The following CPE variants were observed in gnomAD, a reference collection of about 807,000 sequenced individuals.
The protein encoded by CPE is carboxypeptidase E.
CPE carries 17 observed loss-of-function variants against 53.5 expected under a neutral mutation model. The ratio of observed to expected loss-of-function variants is 0.32; its 90% CI spans 0.22 to 0.48. The LOEUF (loss-of-function observed/expected upper bound fraction) is 0.48. CPE is among the 20% of genes least tolerant of loss of function. CPE has a pLI of 0.99. For missense variants in CPE, 524 were observed against 614.7 expected (o/e 0.85, Z 1.56); for synonymous variants, 226 against 228.8 (o/e 0.99, Z 0.11).
At chr4:165,491,094 C>T (rs991254340) in intron 6 of CPE, among the ~76,000 whole-genome samples, 6 of 152,198 alleles carry the variant, frequency 3.9e-5, no homozygotes, top group Admixed American at 2.6e-4. Flanking sequence ...GAAAAGTTGA[C>T]ATATCACAGA....
At chr4:165,405,488 G>A in intron 1 of CPE, 1 of 871,148 alleles carries the variant, frequency 1.1e-6, no homozygotes, top group Non-Finnish European at 2.0e-6. Context: ...AAGCCCTTTA[G>A]TCCGCTTTCA....
chr4:165,395,035 GT>G (rs911225865), intron 1 of CPE, among the ~76,000 whole-genome samples: 1 of 152,088 alleles, frequency 6.6e-6, no homozygotes, highest in Non-Finnish European at 1.5e-5. Flanking sequence ...TGTGAATGAT[GT>G]TTTTTTGTTT....
At chr4:165,431,610 C>T (rs948046472) in intron 1 of CPE, among the ~76,000 whole-genome samples, 2 of 152,134 alleles carry the variant, frequency 1.3e-5, no homozygotes, top group African/African-American at 4.8e-5. Flanking sequence ...CTTGCTGCTT[C>T]CTGATGAGTT....
At chr4:165,421,560 C>T (rs1731220669) in intron 1 of CPE, among the ~76,000 whole-genome samples, 1 of 152,220 alleles carries the variant, frequency 6.6e-6, no homozygotes, top group Non-Finnish European at 1.5e-5. Context: ...AGCCCTGCAT[C>T]CTTCTTGTTC....
At chr4:165,394,146 C>T (rs1730728689) in intron 1 of CPE, among the ~76,000 whole-genome samples, 1 of 152,014 alleles carries the variant, frequency 6.6e-6, no homozygotes, top group African/African-American at 2.4e-5. Flanking sequence ...TGGATGGGGA[C>T]ATCAGCAGAT....
At chr4:165,488,693 T>C (rs1264641082) in intron 6 of CPE, among the ~76,000 whole-genome samples, 9 of 152,230 alleles carry the variant, frequency 5.9e-5, no homozygotes, top group Non-Finnish European at 1.3e-4. Flanking sequence ...TAAGTATTTA[T>C]ATGTGTATAT....
At chr4:165,400,937 C>CCT (rs1470446785) in intron 1 of CPE, among the ~76,000 whole-genome samples, 1 of 152,058 alleles carries the variant, frequency 6.6e-6, no homozygotes. Flanking sequence ...TTAATAGAGC[C>CCT]CTCTTTCACC....
In CPE at chr4:165,464,522, A is replaced by T. The variant is rs760506384; in HGVS notation, c.440A>T (p.His147Leu). The change falls in exon 2 of 9, where the codon CAC becomes CTC. Residue 147 changes from histidine (H) to leucine (L), a missense_variant. Transcript: ENST00000402744. ...KGNETIVNLIHSTRIHIMPSL... is the reference protein window; with the variant it reads ...KGNETIVNLILSTRIHIMPSL... The stretch of plus-strand genomic sequence containing the variant: ...AACGAGACAATTGTCAACCTGATCC[A>T]CAGTACCCGCATTCACATCATGCCT... 1 of 1,613,930 alleles carries T rather than the reference A, an allele frequency of 6.2e-7. No individual in the cohort carries two copies.
intron 1 of CPE, among the ~76,000 whole-genome samples, chr4:165,384,908 C>A (rs992975926): frequency 5.3e-5 from 8 of 152,090 alleles, no homozygotes; most frequent in Non-Finnish European, 1.0e-4. Flanking sequence ...AGAATCAGAG[C>A]ATGATTCTGA....
At chr4:165,477,353 T>A (rs1189686120) in intron 3 of CPE, among the ~76,000 whole-genome samples, 1 of 152,164 alleles carries the variant, frequency 6.6e-6, no homozygotes, top group Non-Finnish European at 1.5e-5. Context: ...TAAAGAAAAA[T>A]ACATGAAAAT....
intron 1 of CPE, among the ~76,000 whole-genome samples, chr4:165,423,625 CATTTTATTTT>C (rs71602589): frequency 2.5e-4 from 37 of 150,940 alleles, no homozygotes; most frequent in African/African-American, 8.0e-4. Context: ...TATGTTGATT[CATTTTATTTT>C]ATTTTATTTT....
Position 165,379,293 on chromosome 4 carries a change from C to CTTCG in CPE, c.72_73insTTCG (p.Ala25PhefsTer78). The CTTCG allele has an allele frequency of 6.6e-7, 1 of 1,511,912 alleles. No individual in the cohort carries two copies. Among genetic ancestry groups the CTTCG allele is most frequent in the Non-Finnish European group, 8.8e-7 (1 of 1,137,772 alleles). The allele number at this position is 1,511,912 out of a possible 1,614,324, so 93.7% of individuals were successfully genotyped here. ...TGGCTGCCTGCGGGTGGCTCCTGGG[C>CTTCG]GCCGAAGCCCAGGAGCCCGGGGCGC... is the stretch of plus-strand genomic sequence containing the variant. On this transcript the variant is annotated frameshift_variant, in exon 1 of 9. Transcript: ENST00000402744. LOFTEE classifies it high-confidence loss of function. The surrounding 1 kb of genome is among the most constrained non-coding windows in gnomAD (Gnocchi z 6.0).
At chr4:165,493,104 A>T (rs2126717723) in intron 6 of CPE, 67 bp from the exon 7 acceptor site, 4 of 980,978 alleles carry the variant, frequency 4.1e-6, no homozygotes, top group Non-Finnish European at 6.4e-6. Context: ...GATATGAAAC[A>T]TATTTAAGGC....
At chr4:165,398,854 C>T (rs1260345651) in intron 1 of CPE, among the ~76,000 whole-genome samples, 1 of 152,102 alleles carries the variant, frequency 6.6e-6, no homozygotes, top group Non-Finnish European at 1.5e-5. Flanking sequence ...TTTAAAGGTA[C>T]AGTTCTGTTA....
At chr4:165,460,517 C>G (rs916575378) in intron 1 of CPE, among the ~76,000 whole-genome samples, 4 of 152,128 alleles carry the variant, frequency 2.6e-5, no homozygotes, top group African/African-American at 9.7e-5. Context: ...AGCCTGTTGG[C>G]TAGAGCAATG....
intron 3 of CPE, among the ~76,000 whole-genome samples, chr4:165,478,973 A>G (rs753220248): frequency 4.6e-5 from 7 of 152,136 alleles, no homozygotes; most frequent in Non-Finnish European, 7.4e-5. Context: ...TCTCCAAACC[A>G]TGGTGATTTT....
Position 165,379,295 on chromosome 4 carries a change from C to T in CPE, c.74C>T (p.Ala25Val). 1 of 1,520,596 alleles carries T rather than the reference C, an allele frequency of 6.6e-7. No homozygotes were observed. Among genetic ancestry groups the T allele is most frequent in the Non-Finnish European group, 8.8e-7 (1 of 1,140,830 alleles). The allele number at this position is 1,520,596 out of a possible 1,614,324, so 94.2% of individuals were successfully genotyped here. A position where few individuals can be genotyped will look rare whatever the true frequency, so the allele number is the denominator to read the frequency against. ...GCTGCCTGCGGGTGGCTCCTGGGCGCCGAAGCCCAGGAGCCCGGGGCGCCC... is the reference window on the plus strand; with the variant it reads ...GCTGCCTGCGGGTGGCTCCTGGGCGTCGAAGCCCAGGAGCCCGGGGCGCCC... ...ALAACGWLLG[A>V]EAQEPGAPAA... The change falls in exon 1 of 9, where the codon GCC becomes GTC. Residue 25 changes from alanine (A) to valine (V), a missense_variant. Coordinates refer to ENST00000402744, the MANE Select transcript of CPE (RefSeq NM_001873.4). The surrounding 1 kb of genome is among the most constrained non-coding windows in gnomAD (Gnocchi z 6.0).
At chr4:165,469,544 G>A (rs1021027963) in intron 3 of CPE, among the ~76,000 whole-genome samples, 110 of 152,074 alleles carry the variant, frequency 7.2e-4, no homozygotes, top group African/African-American at 2.3e-3. Context: ...CAACTGTCTA[G>A]AATTCTCTTG....
intron 1 of CPE, among the ~76,000 whole-genome samples, chr4:165,439,735 G>A (rs538552570): frequency 5.5e-4 from 84 of 152,004 alleles, no homozygotes; most frequent in African/African-American, 1.8e-3. Context: ...ATATATTTAC[G>A]GTTGCTGCTA....
Sources: gnomAD v4.1 joint callset for allele counts (sites outside exome capture counted in the v4.1 genomes callset) on GRCh38, gnomAD v4.1.1 for gene constraint, Gnocchi (gnomAD v3.1) non-coding constraint, MANE v1.5 for transcripts, NCBI Gene and HGNC (gene_info 2026-07-23, HGNC 2026-07-21) for gene names.